LYST: variants seen among roughly 807,000 people sequenced by gnomAD.
LYST encodes lysosomal-trafficking regulator.
Under a neutral mutation model 413.6 loss-of-function variants are expected in LYST, and 192 were observed. That is an observed-to-expected ratio of 0.46 (90% confidence interval 0.41 to 0.52). The LOEUF (loss-of-function observed/expected upper bound fraction) is 0.52. Among genes scored for constraint, LYST ranks in the 20% least tolerant of loss-of-function variants. The probability of loss-of-function intolerance (pLI) is 0.00; values close to 1 mark genes in which losing one functional copy is unlikely to be tolerated. For missense variants in LYST, 3,815 were observed against 4,499.9 expected (o/e 0.85, Z 4.35); for synonymous variants, 1,525 against 1,567.3 (o/e 0.97, Z 0.64).
At chr1:235,723,768 A>G (rs1663604824) in intron 39 of LYST, among the ~76,000 whole-genome samples, 2 of 152,152 alleles carry the variant, frequency 1.3e-5, no homozygotes. Context: ...AGAGGTCAAG[A>G]GAGTTTGTCA....
chr1:235,769,852 A>T (rs998879188), intron 20 of LYST, among the ~76,000 whole-genome samples: 6 of 152,160 alleles, frequency 3.9e-5, no homozygotes, highest in African/African-American at 1.4e-4. Context: ...GTTAAAATTC[A>T]TTAACTATTC....
chr1:235,715,471 C>T, intron 41 of LYST, 114 bp from the exon 42 acceptor site: 2 of 955,182 alleles, frequency 2.1e-6, no homozygotes, highest in South Asian at 2.8e-5. Context: ...AGGCCATTCT[C>T]CATGGCTGGC....
intron 1 of LYST, among the ~76,000 whole-genome samples, chr1:235,879,818 C>A (rs1015463745): frequency 2.8e-4 from 42 of 151,878 alleles, no homozygotes; most frequent in African/African-American, 9.0e-4. Context: ...CTCACTGCAA[C>A]CTCTGCCTCC....
intron 1 of LYST, among the ~76,000 whole-genome samples, chr1:235,861,766 A>G (rs1485783746): frequency 6.6e-6 from 1 of 152,220 alleles, no homozygotes; most frequent in Non-Finnish European, 1.5e-5. Context: ...AACTGGGACT[A>G]TAGGCACAAG....
At chr1:235,709,369 G>A in intron 43 of LYST, 61 bp from the exon 44 acceptor site, 4 of 1,321,746 alleles carry the variant, frequency 3.0e-6, no homozygotes, top group Non-Finnish European at 4.3e-6. Context: ...TTCAGCTACA[G>A]AGCAGGTCTT....
intron 47 of LYST, among the ~76,000 whole-genome samples, chr1:235,692,693 C>T (rs1440502342): frequency 6.6e-6 from 1 of 151,796 alleles, no homozygotes; most frequent in East Asian, 2.0e-4. Context: ...CAGTCTGACT[C>T]ATTTTTATGC....
At chr1:235,798,398 T>C (rs1351058178) in intron 10 of LYST, among the ~76,000 whole-genome samples, 6 of 149,792 alleles carry the variant, frequency 4.0e-5, no homozygotes, top group Admixed American at 4.0e-4. Flanking sequence ...GGGAGGGGTG[T>C]AATGGGGGAA....
intron 1 of LYST, among the ~76,000 whole-genome samples, chr1:235,835,558 C>T (rs2103021188): frequency 6.6e-6 from 1 of 152,316 alleles, no homozygotes; most frequent in South Asian, 2.1e-4. Context: ...GTTTACAAAG[C>T]CTCACTTGAA....
chr1:235,793,656 T>A, intron 10 of LYST, 44 bp from the exon 11 acceptor site: 1 of 1,002,920 alleles, frequency 1.0e-6, no homozygotes, highest in Non-Finnish European at 1.6e-6. Flanking sequence ...AGTACACAAT[T>A]AGAGGAATAA....
intron 48 of LYST, among the ~76,000 whole-genome samples, chr1:235,680,145 G>A (rs904021054): frequency 2.0e-5 from 3 of 151,728 alleles, no homozygotes; most frequent in African/African-American, 7.3e-5. Flanking sequence ...ATATATTTTT[G>A]TATATATATT....
At chr1:235,840,401 G>C (rs1384645936) in intron 1 of LYST, among the ~76,000 whole-genome samples, 1 of 152,214 alleles carries the variant, frequency 6.6e-6, no homozygotes, top group African/African-American at 2.4e-5. Flanking sequence ...AACAGGAAAA[G>C]TGAGGATGGA....
intron 14 of LYST, among the ~76,000 whole-genome samples, chr1:235,785,755 C>T (rs1309630826): frequency 6.6e-6 from 1 of 152,172 alleles, no homozygotes; most frequent in Non-Finnish European, 1.5e-5. Context: ...CTCTACCATG[C>T]TACATTACAG....
intron 20 of LYST, among the ~76,000 whole-genome samples, chr1:235,768,024 T>C (rs866359043): frequency 3.3e-5 from 5 of 152,234 alleles, no homozygotes; most frequent in South Asian, 2.1e-4. Flanking sequence ...TTTCACATCC[T>C]GAAAATGGGT....
chr1:235,694,217 G>A (rs1438188926), intron 46 of LYST, among the ~76,000 whole-genome samples: 1 of 151,826 alleles, frequency 6.6e-6, no homozygotes, highest in Non-Finnish European at 1.5e-5. Context: ...GTTTCATCAT[G>A]TTGGCCAGGC....
At chr1:235,766,031 A>G in intron 21 of LYST, 48 bp downstream of exon 21, 1 of 1,368,716 alleles carries the variant, frequency 7.3e-7, no homozygotes, top group South Asian at 1.2e-5. Flanking sequence ...GGGAAGAATA[A>G]AACAAAAGTG....
At chr1:235,795,800 T>C (rs74148826) in intron 10 of LYST, among the ~76,000 whole-genome samples, 8,286 of 151,942 alleles carry the variant, frequency 0.055, 772 homozygotes, top group African/African-American at 0.19. Flanking sequence ...ATTAGCAACC[T>C]AAATCAGTAA....
chr1:235,719,627 T>TAAAA (rs35578758), intron 40 of LYST, among the ~76,000 whole-genome samples: 4 of 137,034 alleles, frequency 2.9e-5, no homozygotes, highest in African/African-American at 1.1e-4. Context: ...TGCAGAATGA[T>TAAAA]AAAAAAAAAA....
intron 3 of LYST, 81 bp from the exon 4 acceptor site, chr1:235,813,142 C>T: frequency 1.2e-6 from 1 of 806,770 alleles, no homozygotes; most frequent in Non-Finnish European, 2.1e-6. Flanking sequence ...TAAACTGAAC[C>T]AAAAAATCCT....
intron 31 of LYST, chr1:235,738,008 G>A (rs1664970617): frequency 3.3e-6 from 5 of 1,500,184 alleles, no homozygotes; most frequent in Non-Finnish European, 4.5e-6. Context: ...TCAAGTATAC[G>A]CTCAAGGATC....
Sources: allele counts gnomAD v4.1 joint callset (sites outside exome capture counted in the v4.1 genomes callset), GRCh38; gene constraint gnomAD v4.1.1; transcripts MANE v1.5; gene names NCBI Gene and HGNC (gene_info 2026-07-23, HGNC 2026-07-21).